Variants in PLD2 observed in about 807,000 individuals in gnomAD.
PLD2 encodes choline phosphatase 2.
A neutral mutation model predicts 119.8 loss-of-function variants in PLD2; 101 were observed. The observed-to-expected ratio is 0.84, with a 90% confidence interval of 0.72 to 0.99. PLD2 has a LOEUF of 0.99. PLD2 is among the 50% of genes least tolerant of loss of function. PLD2 has a pLI of 0.00. For missense variants in PLD2, 1,164 were observed against 1,226.8 expected (o/e 0.95, Z 0.76); for synonymous variants, 494 against 482.8 (o/e 1.02, Z -0.30).
At chr17:4,817,425 G>A in intron 17 of PLD2, 166 bp downstream of exon 17, 1 of 618,532 alleles carries the variant, frequency 1.6e-6, no homozygotes, top group Non-Finnish European at 2.9e-6. Flanking sequence ...CACTTTGGAA[G>A]GCCAAGGCAG....
At chr17:4,821,397 T>A (rs2150682076) in intron 23 of PLD2, among the ~76,000 whole-genome samples, 1 of 152,168 alleles carries the variant, frequency 6.6e-6, no homozygotes, top group East Asian at 1.9e-4. Context: ...TTTGTTTTTG[T>A]TTGTTTGTTT....
Position 4,808,060 on chromosome 17 carries a change from G to A in PLD2, c.186G>A (p.Gly62=), listed in dbSNP as rs1906052615. 1 of 1,612,304 alleles carries A rather than the reference G, an allele frequency of 6.2e-7. No homozygotes were observed. The highest frequency in any genetic ancestry group is 8.5e-7 in the Non-Finnish European group (1 of 1,178,538). The stretch of plus-strand genomic sequence containing the variant: ...TGCACCCCTTGGTGTTCGCACCTGG[G>A]GTCCCTGTCACAGCCCAGGTGGTGG... ...LKVHPLVFAP[G]VPVTAQVVGT... The change falls in exon 3 of 25, where the codon GGG becomes GGA. Residue 62 remains glycine (G), a synonymous_variant. Coordinates refer to ENST00000263088, the MANE Select transcript of PLD2 (RefSeq NM_002663.5). The surrounding 1 kb of genome is among the most constrained non-coding windows in gnomAD (Gnocchi z 4.1).
At chr17:4,815,651 A>G in intron 13 of PLD2, 65 bp downstream of exon 13, 1 of 1,583,896 alleles carries the variant, frequency 6.3e-7, no homozygotes, top group Non-Finnish European at 8.7e-7. Context: ...CCCAGCCCCC[A>G]GCGCTCCCGC....
chr17:4,815,958 A>C, intron 14 of PLD2, 24 bp downstream of exon 14: 2 of 1,535,030 alleles, frequency 1.3e-6, no homozygotes, highest in Admixed American at 3.3e-5. Context: ...GGCCTTCCTG[A>C]GCACCCCCAA....
In PLD2 at chr17:4,818,776, C is replaced by A. The variant is rs1234568256; in HGVS notation, c.2126C>A (p.Thr709Asn). 2 of 1,614,144 alleles carry A rather than the reference C, an allele frequency of 1.2e-6. No individual in the cohort carries two copies. Residue 709 changes from threonine to asparagine, a missense_variant and splice_region_variant, in exon 21 of 25, where the codon ACC becomes AAC. Coordinates refer to ENST00000263088, the MANE Select transcript of PLD2 (RefSeq NM_002663.5). The part of the protein sequence containing the change: ...IQAILHFTYR[T>N]LCRGEYSILH... ...TCTCCCTCTTTCTTTTCTCTCAGGA[C>A]CCTGTGTCGTGGGGAGTATTCAATC...
At position 4,819,487 on chromosome 17, in the gene PLD2, G is replaced by A. The variant is rs780148748; in HGVS notation, c.2367G>A (p.Val789=). The part of the protein sequence containing the change: ...LLGKRDSELA[V]LIEDTETEPS... ...GGAAGCGGGACAGTGAGCTGGCCGT[G>A]CTGATCGAGGACACAGAGACGGAAC... Residue 789 remains valine (V), a synonymous_variant, in exon 23 of 25, where the codon GTG becomes GTA. Coordinates refer to ENST00000263088, the MANE Select transcript of PLD2 (RefSeq NM_002663.5). The surrounding 1 kb of genome is among the most constrained non-coding windows in gnomAD (Gnocchi z 4.2). The A allele has an allele frequency of 1.9e-5, 30 of 1,613,974 alleles. No individual in the cohort carries two copies. The highest frequency in any genetic ancestry group is 2.5e-5 in the Non-Finnish European group (29 of 1,180,022).
intron 10 of PLD2, among the ~76,000 whole-genome samples, chr17:4,812,542 C>G (rs1906586730): frequency 6.6e-6 from 1 of 152,086 alleles, no homozygotes; most frequent in African/African-American, 2.4e-5. Flanking sequence ...ATCTGCCCAC[C>G]TCGGCCTCCC....
intron 17 of PLD2, 184 bp from the exon 18 acceptor site, chr17:4,817,818 A>C (rs35410162): frequency 1 from 492,461 of 492,878 alleles, 246,023 homozygotes; most frequent in South Asian, 1. Context: ...ATTAGCCGGG[A>C]GTGGTGGTGC....
At chr17:4,810,113 A>G in intron 9 of PLD2, 84 bp downstream of exon 9, 4 of 1,399,664 alleles carry the variant, frequency 2.9e-6, no homozygotes, top group Non-Finnish European at 3.9e-6. Context: ...GAGAGACCAC[A>G]GGAGAGAGGA....
chr17:4,822,417 G>A (rs1189017437), intron 24 of PLD2, among the ~76,000 whole-genome samples: 6 of 151,600 alleles, frequency 4.0e-5, no homozygotes, highest in Admixed American at 2.0e-4. Context: ...ACTTGAACCC[G>A]AGAGGTGGAG....
In PLD2 at chr17:4,810,024, C is replaced by G. The variant is rs1296415912; in HGVS notation, c.855C>G (p.Ser285=). The change falls in exon 9 of 25, where the codon TCC becomes TCG. Residue 285 remains serine, a synonymous_variant. Transcript: ENST00000263088. ...GGCACGGCGTGCGGATCGATACCTCCCACAGGTGAGGCCTCCCTGGGGTGA... is the reference window on the plus strand; with the variant it reads ...GGCACGGCGTGCGGATCGATACCTCGCACAGGTGAGGCCTCCCTGGGGTGA... The part of the protein sequence containing the change: ...EARHGVRIDT[S]HRSLILKCSS... 2 of 1,612,608 alleles carry G rather than the reference C, an allele frequency of 1.2e-6. No individual in the cohort carries two copies. Among genetic ancestry groups the G allele is most frequent in the Non-Finnish European group, 1.7e-6 (2 of 1,179,986 alleles).
intron 23 of PLD2, among the ~76,000 whole-genome samples, chr17:4,820,164 G>A (rs190662043): frequency 2.0e-5 from 3 of 151,256 alleles, no homozygotes; most frequent in South Asian, 2.1e-4. Flanking sequence ...GGCTGGTCTC[G>A]AACTCCCGAC....
In PLD2 at chr17:4,810,875, G is replaced by T. The variant is rs760033223; in HGVS notation, c.934G>T (p.Gly312Cys). Residue 312 changes from glycine to cysteine, a missense_variant, in exon 10 of 25, where the codon GGC becomes TGC. Coordinates refer to ENST00000263088, the MANE Select transcript of PLD2 (RefSeq NM_002663.5). ...CCAAGAGATCACTGAGCTGGCACAG[G>T]GCCCAGGCAGAGACTTCCTACAGCT... Reference protein sequence around the residue: ...WAQEITELAQGPGRDFLQLHR... With the variant: ...WAQEITELAQCPGRDFLQLHR... The T allele has an allele frequency of 8.7e-5, 140 of 1,613,740 alleles. No individual in the cohort carries two copies. The highest frequency in any genetic ancestry group is 1.1e-4 in the Non-Finnish European group (129 of 1,179,976).
At position 4,810,783 on chromosome 17, in the gene PLD2, T is replaced by A. The variant is rs765900190; in HGVS notation, c.861-19T>A. The A allele has an allele frequency of 1.9e-6, 3 of 1,601,210 alleles. No individual in the cohort carries two copies. In the South Asian group the frequency reaches 3.3e-5, roughly 18 times the overall value. Reference sequence around the variant, plus strand: ...TATGGAGGGCGAGGATTTATGGACATCTCATCGTTCCCATCCAGGTCCTTG... The same window carrying A: ...TATGGAGGGCGAGGATTTATGGACAACTCATCGTTCCCATCCAGGTCCTTG... On this transcript the variant is annotated intron_variant, in intron 9 of 24. Transcript: ENST00000263088.
chr17:4,821,940 C>G, intron 24 of PLD2, 33 bp downstream of exon 24: 1 of 1,432,336 alleles, frequency 7.0e-7, no homozygotes, highest in Non-Finnish European at 9.9e-7. Context: ...GGAGAGTGGC[C>G]TGGGGAAATT....
chr17:4,809,470 C>G, intron 6 of PLD2, 23 bp from the exon 7 acceptor site: 1 of 1,608,174 alleles, frequency 6.2e-7, no homozygotes, highest in Non-Finnish European at 8.5e-7. Context: ...GTGTCTCCTC[C>G]GGGCTTTTGT....
Position 4,809,726 on chromosome 17 carries a change from G to A in PLD2, c.650G>A (p.Arg217His), listed in dbSNP as rs764330423. The A allele has an allele frequency of 1.7e-5, 27 of 1,614,098 alleles. No homozygotes were observed. Among genetic ancestry groups the A allele is most frequent in the South Asian group, 5.5e-5 (5 of 91,086 alleles). The change falls in exon 8 of 25, where the codon CGT becomes CAT. Residue 217 changes from arginine (R) to histidine (H), a missense_variant. Physicochemically the swap from Arg to His is conservative, Grantham distance 29. Transcript: ENST00000263088. ...ATCCGGAAGCGCTCAGGTGGCCACC[G>A]TGTTCCTGGCCTCACCTGCTGTGGC... is the stretch of plus-strand genomic sequence containing the variant. Reference protein sequence around the residue: ...GMIRKRSGGHRVPGLTCCGRD... With the variant: ...GMIRKRSGGHHVPGLTCCGRD...
intron 23 of PLD2, among the ~76,000 whole-genome samples, chr17:4,820,412 C>T (rs1907534542): frequency 1.3e-5 from 2 of 150,698 alleles, no homozygotes; most frequent in Non-Finnish European, 3.0e-5. Context: ...GGATTACAGG[C>T]GCCCACCACC....
chr17:4,810,046 G>A lies in PLD2; in HGVS notation c.860+17G>A. ...CTCCCACAGGTGAGGCCTCCCTGGG[G>A]TGAGAGACACCAGCTGAGTGGTGAG... On this transcript the variant is annotated intron_variant, in intron 9 of 24. Coordinates refer to ENST00000263088, the MANE Select transcript of PLD2 (RefSeq NM_002663.5). 1 of 1,611,448 alleles carries A rather than the reference G, an allele frequency of 6.2e-7. No homozygotes were observed. The highest frequency in any genetic ancestry group is 8.5e-7 in the Non-Finnish European group (1 of 1,179,706).
Sources: gnomAD v4.1 joint callset for allele counts (sites outside exome capture counted in the v4.1 genomes callset) on GRCh38, gnomAD v4.1.1 for gene constraint, Gnocchi (gnomAD v3.1) non-coding constraint, MANE v1.5 for transcripts, NCBI Gene and HGNC (gene_info 2026-07-23, HGNC 2026-07-21) for gene names.